C19orf47: variants seen among roughly 807,000 people sequenced by gnomAD.
C19orf47 encodes chromosome 19 open reading frame 47, also known as uncharacterized protein C19orf47.
In C19orf47, 18 loss-of-function variants were observed where a neutral mutation model predicts 32.3. The ratio of observed to expected loss-of-function variants is 0.56; its 90% confidence interval spans 0.39 to 0.83. The LOEUF (loss-of-function observed/expected upper bound fraction) is 0.83. Among genes scored for constraint, C19orf47 ranks in the 40% least tolerant of loss-of-function variants. C19orf47 has a pLI of 0.00. For synonymous variants in C19orf47, 202 were observed against 211.1 expected (o/e 0.96, Z 0.37); for missense variants, 484 against 531.6 (o/e 0.91, Z 0.88).
chr19:40,327,593 C>T (rs555353462), intron 6 of C19orf47, among the ~76,000 whole-genome samples: 3 of 152,248 alleles, frequency 2.0e-5, no homozygotes, highest in Non-Finnish European at 2.9e-5. Context: ...AAACATGAAG[C>T]GCCCTGGGCC....
chr19:40,324,863 T>C (rs772137798), intron 7 of C19orf47, among the ~76,000 whole-genome samples: 4 of 151,170 alleles, frequency 2.6e-5, no homozygotes, highest in Non-Finnish European at 4.4e-5. Flanking sequence ...TCCCTGCTAC[T>C]GGGGAGGTAA....
chr19:40,328,691 T>TG, intron 5 of C19orf47, 141 bp from the exon 6 acceptor site: 1 of 1,155,624 alleles, frequency 8.7e-7, no homozygotes, highest in Non-Finnish European at 1.2e-6. Flanking sequence ...AACTGCATGG[T>TG]ACTCGTGATG....
At chr19:40,305,939 A>C in the C19orf47 span, among the ~76,000 whole-genome samples, 1 of 152,150 alleles carries the variant, frequency 6.6e-6, no homozygotes, top group Non-Finnish European at 1.5e-5. Context: ...ACCTGAGGTC[A>C]GGAGTTCAAA....
chr19:40,345,773 G>A (rs117356447), intron 1 of C19orf47, among the ~76,000 whole-genome samples: 1 of 102,450 alleles, frequency 9.8e-6, no homozygotes, highest in East Asian at 2.4e-4. Context: ...ACCCGGGGCG[G>A]GGGGGGGAGA....
upstream of C19orf47, chr19:40,348,523 C>T: frequency 6.8e-7 from 1 of 1,478,320 alleles, no homozygotes. Flanking sequence ...ATCACGTGAC[C>T]GCCCACCGAC....
rs751563106 is a variant in C19orf47, at chr19:40,322,274, C to T, written c.766G>A (p.Gly256Arg). ...DSSSSVLQYA[G>R]VLKKLGRGPA... ...CCCCGTCCTAGCTTCTTCAGGACCCCGGCATACTGCAAGACAGAGCTGCTG... is the reference window on the plus strand; with the variant it reads ...CCCCGTCCTAGCTTCTTCAGGACCCTGGCATACTGCAAGACAGAGCTGCTG... Residue 256 changes from glycine (G) to arginine (R), a missense_variant, in exon 9 of 9, where the codon GGG becomes AGG. This residue lies in a region of C19orf47 where 376 missense variants were observed against 370.2 expected (regional missense o/e 1.02). Transcript: ENST00000683109. 6 of 1,608,886 alleles carry T rather than the reference C, an allele frequency of 3.7e-6. No individual in the cohort carries two copies. The highest frequency in any genetic ancestry group is 3.3e-5 in the South Asian group (3 of 91,088).
chr19:40,321,424 G>A lies in C19orf47; in HGVS notation c.*458C>T. 1.0e-6 allele frequency: 1 copy of A among 998,362 alleles called. No homozygotes were observed. Among genetic ancestry groups the A allele is most frequent in the Non-Finnish European group, 1.2e-6 (1 of 837,798 alleles). 61.8% of individuals were successfully genotyped at this position (998,362 alleles called of 1,614,324 possible). On this transcript the variant is annotated 3_prime_UTR_variant, in exon 9 of 9. Transcript: ENST00000683109. Reference sequence around the variant, plus strand: ...GGGAGAGAGAGAAGTCACAGCAGTGGGGGGAGGCGCAGAGGAGTGAGGGAG... The same window carrying A: ...GGGAGAGAGAGAAGTCACAGCAGTGAGGGGAGGCGCAGAGGAGTGAGGGAG...
At chr19:40,305,957 C>T in the C19orf47 span, among the ~76,000 whole-genome samples, 5 of 151,896 alleles carry the variant, frequency 3.3e-5, no homozygotes, top group African/African-American at 1.2e-4. Context: ...AAAGACCAGC[C>T]AGCCCACCAT....
Position 40,321,771 on chromosome 19 carries a change from G to T in C19orf47, c.*111C>A. 1 of 1,440,196 alleles carries T rather than the reference G, an allele frequency of 6.9e-7. No homozygotes were observed. Among genetic ancestry groups the T allele is most frequent in the South Asian group, 1.5e-5 (1 of 67,130 alleles). The allele number at this position is 1,440,196 out of a possible 1,614,324, so 89.2% of individuals were successfully genotyped here. On this transcript the variant is annotated 3_prime_UTR_variant, in exon 9 of 9. Coordinates refer to ENST00000683109, the MANE Select transcript of C19orf47 (RefSeq NM_001256441.2). ...GGGCCTAGCTCTAGAGCCCGAGGGAGACAAGCTGTGTCATCCAGGAGCTGG... is the reference window on the plus strand; with the variant it reads ...GGGCCTAGCTCTAGAGCCCGAGGGATACAAGCTGTGTCATCCAGGAGCTGG...
chr19:40,318,409 A>T (rs2077677813), downstream of C19orf47, among the ~76,000 whole-genome samples: 1 of 152,012 alleles, frequency 6.6e-6, no homozygotes, highest in South Asian at 2.1e-4. Flanking sequence ...TCCCTGGCAC[A>T]GCTAAACCCT....
At chr19:40,342,654 A>C (rs2078200628) in intron 1 of C19orf47, among the ~76,000 whole-genome samples, 1 of 152,160 alleles carries the variant, frequency 6.6e-6, no homozygotes, top group Non-Finnish European at 1.5e-5. Context: ...GGACCTGGGA[A>C]GGGAGGGGTT....
At chr19:40,306,488 C>T in the C19orf47 span, among the ~76,000 whole-genome samples, 6 of 151,782 alleles carry the variant, frequency 4.0e-5, no homozygotes, top group African/African-American at 1.2e-4. Context: ...CTGCAACCTC[C>T]GCCTCCCGGG....
chr19:40,328,316 C>T (rs1600180449), intron 6 of C19orf47, 97 bp downstream of exon 6: 1 of 1,536,026 alleles, frequency 6.5e-7, no homozygotes, highest in Non-Finnish European at 8.8e-7. Context: ...TTGTGGCCTT[C>T]AAAGCACCTT....
At position 40,320,754 on chromosome 19, in the gene C19orf47, G is replaced by A. The variant is rs1004363430; in HGVS notation, c.*1128C>T. 6.5e-6 allele frequency: 1 copy of A among 152,888 alleles called. No homozygotes were observed. The highest frequency in any genetic ancestry group is 2.4e-5 in the African/African-American group (1 of 41,440). 9.5% of individuals were successfully genotyped at this position (152,888 alleles called of 1,614,324 possible). Reference sequence around the variant, plus strand: ...GGGAGGGGTGGGCGACCAAACCAGTGGAAACTCATGGTCTCACAAACGGAG... The same window carrying A: ...GGGAGGGGTGGGCGACCAAACCAGTAGAAACTCATGGTCTCACAAACGGAG... On this transcript the variant is annotated 3_prime_UTR_variant, in exon 9 of 9. Transcript: ENST00000683109.
At chr19:40,334,152 C>T (rs903905880) in intron 4 of C19orf47, among the ~76,000 whole-genome samples, 7 of 152,202 alleles carry the variant, frequency 4.6e-5, no homozygotes, top group Non-Finnish European at 8.8e-5. Flanking sequence ...AGCCTCCTCA[C>T]CTATTGAAAA....
the C19orf47 span, among the ~76,000 whole-genome samples, chr19:40,304,616 C>CT: frequency 3.3e-5 from 5 of 152,212 alleles, no homozygotes; most frequent in African/African-American, 1.2e-4. Flanking sequence ...GCAAGCCCCT[C>CT]TTTTTTCTGT....
chr19:40,296,269 A>G, the C19orf47 span, among the ~76,000 whole-genome samples: 36 of 143,722 alleles, frequency 2.5e-4, no homozygotes, highest in South Asian at 7.3e-3. Context: ...TTGTAACACA[A>G]TGCTGTTTGT....
intron 2 of C19orf47, among the ~76,000 whole-genome samples, chr19:40,336,719 C>G (rs1209929567): frequency 6.6e-6 from 1 of 152,184 alleles, no homozygotes; most frequent in Admixed American, 6.6e-5. Context: ...CAGCTCCACC[C>G]CGCCCCAGTG....
chr19:40,313,648 T>C, the C19orf47 span, among the ~76,000 whole-genome samples: 2 of 152,116 alleles, frequency 1.3e-5, no homozygotes, highest in African/African-American at 4.8e-5. Flanking sequence ...TAAGAATGAT[T>C]TACACATTGG....
Sources: allele counts gnomAD v4.1 joint callset (sites outside exome capture counted in the v4.1 genomes callset), GRCh38; gene constraint gnomAD v4.1.1; regional missense constraint gnomAD v4.1.1; transcripts MANE v1.5; gene names NCBI Gene and HGNC (gene_info 2026-07-23, HGNC 2026-07-21).